TRIM58: variants seen among roughly 807,000 people sequenced by gnomAD.
TRIM58 encodes E3 ubiquitin-protein ligase TRIM58.
Under a neutral mutation model 34.1 loss-of-function variants are expected in TRIM58, and 38 were observed. The ratio of observed to expected loss-of-function variants is 1.12; its 90% CI spans 0.86 to 1.46. The LOEUF is 1.46. Among genes scored for constraint, TRIM58 ranks in the 40% most tolerant of loss-of-function variants. The pLI is 0.00. For synonymous variants in TRIM58, 273 were observed against 275.7 expected (o/e 0.99, Z 0.10); for missense variants, 677 against 642.0 (o/e 1.05, Z -0.59).
At chr1:247,864,137 C>T (rs1310798051) in intron 2 of TRIM58, among the ~76,000 whole-genome samples, 2 of 152,010 alleles carry the variant, frequency 1.3e-5, no homozygotes, top group African/African-American at 2.4e-5. Context: ...AATCCACATA[C>T]TCCTCTTTTT....
Position 247,876,324 on chromosome 1 carries a change from T to C in TRIM58, c.1296T>C (p.Tyr432=), listed in dbSNP as rs752395095. Residue 432 remains tyrosine, a synonymous_variant, in exon 6 of 6, where the codon TAT becomes TAC. Transcript: ENST00000366481. ...ISFYNVTDGS[Y]IYTFNQLFSG... The stretch of plus-strand genomic sequence containing the variant: ...TCTACAATGTCACAGATGGATCTTA[T>C]ATCTACACATTCAACCAACTCTTCT... The C allele has an allele frequency of 3.1e-6, 5 of 1,613,970 alleles. No homozygotes were observed. The highest frequency in any genetic ancestry group is 1.3e-5 in the African/African-American group (1 of 74,964).
intron 3 of TRIM58, 110 bp from the exon 4 acceptor site, chr1:247,867,735 C>T: frequency 1.7e-6 from 2 of 1,202,482 alleles, no homozygotes. Context: ...ATAATTTTAT[C>T]TCAATAATGT....
In TRIM58 at chr1:247,857,577, G is replaced by T. The variant is rs773165604; in HGVS notation, c.331G>T (p.Glu111Ter). The change falls in exon 1 of 6, where the codon GAG becomes TAG. Residue 111 changes from glutamate (E) to a stop codon, truncating the protein, a stop_gained. Transcript: ENST00000366481. LOFTEE classifies it high-confidence loss of function. Reference sequence around the variant, plus strand: ...CCTGAGCCGCTTCTGCGAGGAGGACGAGGCGGCGCTGTGCTGGGTGTGCGA... The same window carrying T: ...CCTGAGCCGCTTCTGCGAGGAGGACTAGGCGGCGCTGTGCTGGGTGTGCGA... ...EDLSRFCEED[E>*]AALCWVCDAG... 2.4e-6 allele frequency: 3 copies of T among 1,265,860 alleles called. No homozygotes were observed. The highest frequency in any genetic ancestry group is 3.2e-5 in the East Asian group (1 of 31,410). The allele number at this position is 1,265,860 out of a possible 1,614,324, so 78.4% of individuals were successfully genotyped here. A position where few individuals can be genotyped will look rare whatever the true frequency, so the allele number is the denominator to read the frequency against.
intron 3 of TRIM58, among the ~76,000 whole-genome samples, chr1:247,866,499 A>G (rs780197031): frequency 6.6e-6 from 1 of 152,180 alleles, no homozygotes; most frequent in Non-Finnish European, 1.5e-5. Context: ...TTTCAACAAT[A>G]GTATTTATTG....
rs2103338960 is a variant in TRIM58, at chr1:247,878,009, AG to A, written c.*1521del. The A allele has an allele frequency of 6.6e-6, 1 of 152,142 alleles. No individual in the cohort carries two copies. Among genetic ancestry groups the A allele is most frequent in the African/African-American group, 2.4e-5 (1 of 41,468 alleles). 9.4% of individuals were successfully genotyped at this position (152,142 alleles called of 1,614,324 possible). On this transcript the variant is annotated 3_prime_UTR_variant, in exon 6 of 6. Transcript: ENST00000366481. ...CCCCGTCTCTACTAAAAATACAAAA[AG>A]AAATTAGCTGGGCGTGGTGGTGGGT...
chr1:247,864,754 A>G lies in TRIM58; in HGVS notation c.566A>G (p.His189Arg), dbSNP rs1324412427. 6.2e-6 allele frequency: 10 copies of G among 1,614,074 alleles called. No individual in the cohort carries two copies. The highest frequency in any genetic ancestry group is 8.5e-6 in the Non-Finnish European group (10 of 1,180,040). Residue 189 changes from histidine (H) to arginine (R), a missense_variant, in exon 3 of 6, where the codon CAT becomes CGT. Coordinates refer to ENST00000366481, the MANE Select transcript of TRIM58 (RefSeq NM_015431.4). ...CGCTTCAGATTGGAGTTTGAGAAGC[A>G]TCGTGGCTTTCTGGCCCAGGAGGAG... Reference protein sequence around the residue: ...RQRFRLEFEKHRGFLAQEEQR... With the variant: ...RQRFRLEFEKRRGFLAQEEQR...
Position 247,863,462 on chromosome 1 carries a change from CAGG to C in TRIM58, c.517-1233_517-1231del, listed in dbSNP as rs200525614. ...CTGAGACAGGAGAATCACTTGAACC[CAGG>C]AGGAGGAGGTTGTAGTGAGCCGAGA... On this transcript the variant is annotated intron_variant, in intron 2 of 5. Coordinates refer to ENST00000366481, the MANE Select transcript of TRIM58 (RefSeq NM_015431.4). 8.6e-3 allele frequency among the ~76,000 whole-genome samples: 1,300 copies of C among 151,792 alleles called. 12 individuals are homozygous for C. The highest frequency in any genetic ancestry group is 0.047 in the South Asian group (225 of 4,792).
chr1:247,877,746 T>A lies in TRIM58; in HGVS notation c.*1257T>A, dbSNP rs377034542. 5.3e-5 allele frequency: 8 copies of A among 152,326 alleles called. No homozygotes were observed. In the East Asian group the frequency reaches 1.2e-3, roughly 22 times the overall value. The allele number at this position is 152,326 out of a possible 1,614,324, so 9.4% of individuals were successfully genotyped here. A position where few individuals can be genotyped will look rare whatever the true frequency, so the allele number is the denominator to read the frequency against. On this transcript the variant is annotated 3_prime_UTR_variant, in exon 6 of 6. Transcript: ENST00000366481. ...TTTCCATTTAAATACATTATAATGATGATGATGAAATCATGATAATATTTA... is the reference window on the plus strand; with the variant it reads ...TTTCCATTTAAATACATTATAATGAAGATGATGAAATCATGATAATATTTA...
At chr1:247,866,521 T>C (rs1289822761) in intron 3 of TRIM58, among the ~76,000 whole-genome samples, 1 of 152,210 alleles carries the variant, frequency 6.6e-6, no homozygotes, top group East Asian at 1.9e-4. Context: ...TCTGCCTGCC[T>C]TGGCCTCCCA....
chr1:247,859,887 T>G (rs1156840256), intron 1 of TRIM58, among the ~76,000 whole-genome samples: 1 of 152,110 alleles, frequency 6.6e-6, no homozygotes, highest in African/African-American at 2.4e-5. Context: ...AGATGACATT[T>G]TATCTAATAT....
intron 5 of TRIM58, among the ~76,000 whole-genome samples, chr1:247,869,313 G>C (rs1028863902): frequency 6.3e-5 from 9 of 143,858 alleles, no homozygotes; most frequent in East Asian, 2.3e-4. Flanking sequence ...CTTCAGAGGT[G>C]GGGGGGGGTG....
chr1:247,864,473 T>A (rs1013982950), intron 2 of TRIM58, among the ~76,000 whole-genome samples: 1 of 152,188 alleles, frequency 6.6e-6, no homozygotes, highest in African/African-American at 2.4e-5. Context: ...CCCAAGCCTG[T>A]GGCAAAATGG....
chr1:247,873,056 C>A (rs1050013521), intron 5 of TRIM58, among the ~76,000 whole-genome samples: 3 of 152,086 alleles, frequency 2.0e-5, no homozygotes, highest in Admixed American at 6.6e-5. Context: ...CCTGAGGAAA[C>A]CTTGTCTCTA....
At chr1:247,864,643 C>T in intron 2 of TRIM58, 62 bp from the exon 3 acceptor site, 2 of 1,546,162 alleles carry the variant, frequency 1.3e-6, no homozygotes, top group Non-Finnish European at 1.8e-6. Context: ...TTCTCCAGCA[C>T]TGTCCTGTAC....
intron 2 of TRIM58, 71 bp downstream of exon 2, chr1:247,860,783 A>G (rs1375965710): frequency 4.2e-6 from 5 of 1,179,988 alleles, no homozygotes; most frequent in Non-Finnish European, 6.3e-6. Context: ...TAATTCTTCT[A>G]CCATCTTCCA....
At chr1:247,860,572 G>T (rs946293717) in intron 1 of TRIM58, 45 bp from the exon 2 acceptor site, 3 of 1,357,348 alleles carry the variant, frequency 2.2e-6, no homozygotes, top group Middle Eastern at 1.8e-4. Context: ...GTGACGTTAG[G>T]TACAGATTGA....
In TRIM58 at chr1:247,857,699, T is replaced by C. The variant is rs1663670735; in HGVS notation, c.420+33T>C. On this transcript the variant is annotated intron_variant, in intron 1 of 5. Coordinates refer to ENST00000366481, the MANE Select transcript of TRIM58 (RefSeq NM_015431.4). ...GCCCCCCGGCGGGGGCTGCGGGCGC[T>C]GCGGTGACCGGGAAGCGGGCGACAG... 8 of 1,214,550 alleles carry C rather than the reference T, an allele frequency of 6.6e-6. No homozygotes were observed. The East Asian group carries it at 1.4e-4, about 21-fold the overall frequency. 75.2% of individuals were successfully genotyped at this position (1,214,550 alleles called of 1,614,324 possible).
rs1359847015 is a variant in TRIM58, at chr1:247,876,018, C to A, written c.990C>A (p.Asp330Glu). ...TCCCCAACAACCCTGAGCGATTTGA[C>A]ACATGGCCCTGCATCCTGGGTTTGC... ...RDVPNNPERFDTWPCILGLQS... is the reference protein window; with the variant it reads ...RDVPNNPERFETWPCILGLQS... The change falls in exon 6 of 6, where the codon GAC (aspartate) becomes GAA (glutamate). Residue 330 changes from aspartate (D) to glutamate (E), a missense_variant. Coordinates refer to ENST00000366481, the MANE Select transcript of TRIM58 (RefSeq NM_015431.4). 6.2e-7 allele frequency: 1 copy of A among 1,614,218 alleles called. No individual in the cohort carries two copies. The highest frequency in any genetic ancestry group is 2.2e-5 in the East Asian group (1 of 44,888).
chr1:247,858,113 A>T (rs1040670224), intron 1 of TRIM58, among the ~76,000 whole-genome samples: 5 of 152,174 alleles, frequency 3.3e-5, no homozygotes, highest in Non-Finnish European at 7.3e-5. Flanking sequence ...GTTGTCAGCA[A>T]AGCAACCCTC....
Sources: allele counts gnomAD v4.1 joint callset (sites outside exome capture counted in the v4.1 genomes callset), GRCh38; gene constraint gnomAD v4.1.1; transcripts MANE v1.5; gene names NCBI Gene and HGNC (gene_info 2026-07-23, HGNC 2026-07-21).